The following CDK14 variants were observed in gnomAD, a reference collection of about 807,000 sequenced individuals.
CDK14 encodes cyclin-dependent kinase 14.
Under a neutral mutation model 60.7 loss-of-function variants are expected in CDK14, and 34 were observed. The ratio of observed to expected loss-of-function variants is 0.56; its 90% CI spans 0.43 to 0.75. CDK14 has a LOEUF of 0.75. Ranked by LOEUF, CDK14 falls within the 30% of genes least tolerant of loss-of-function variation. CDK14 has a pLI of 0.00. For missense variants in CDK14, 482 were observed against 564.1 expected (o/e 0.85, Z 1.47); for synonymous variants, 197 against 203.7 (o/e 0.97, Z 0.28).
chr7:91,169,312 A>C (rs1265342655), intron 14 of CDK14, among the ~76,000 whole-genome samples: 1 of 152,220 alleles, frequency 6.6e-6, no homozygotes, highest in Non-Finnish European at 1.5e-5. Context: ...CCCATGATTT[A>C]ACAGAGCAGC....
intron 14 of CDK14, among the ~76,000 whole-genome samples, chr7:91,137,247 G>T (rs1027012790): frequency 6.6e-6 from 1 of 152,160 alleles, no homozygotes; most frequent in Admixed American, 6.5e-5. Flanking sequence ...ATTTTCCCCT[G>T]TGAGAAGCAT....
chr7:91,086,635 A>G (rs1798648862), intron 12 of CDK14, among the ~76,000 whole-genome samples: 1 of 152,056 alleles, frequency 6.6e-6, no homozygotes, highest in Non-Finnish European at 1.5e-5. Context: ...GAGCTGATCC[A>G]GGTCTTCCTC....
intron 14 of CDK14, among the ~76,000 whole-genome samples, chr7:91,122,654 C>T (rs1435262926): frequency 6.6e-6 from 1 of 152,200 alleles, no homozygotes; most frequent in African/African-American, 2.4e-5. Context: ...ATGTTCCCTT[C>T]ACTTCAGGGC....
In CDK14 at chr7:91,014,427, T is replaced by C. The variant is rs1403608330; in HGVS notation, c.1041+30186T>C. Among the ~76,000 whole-genome samples, 4 of 152,324 alleles carry C rather than the reference T, an allele frequency of 2.6e-5. No individual in the cohort carries two copies. In the East Asian group the frequency reaches 7.7e-4, roughly 29 times the overall value. On this transcript the variant is annotated intron_variant, in intron 10 of 14. Coordinates refer to ENST00000380050, the MANE Select transcript of CDK14 (RefSeq NM_001287135.2). Reference sequence around the variant, plus strand: ...ACTTTGTGAACTTTTCGTTCCTTTCTTGGAGTCAAACATGAGATCATGTTT... The same window carrying C: ...ACTTTGTGAACTTTTCGTTCCTTTCCTGGAGTCAAACATGAGATCATGTTT...
At chr7:90,664,199 C>T (rs1800924594) in intron 2 of CDK14, among the ~76,000 whole-genome samples, 1 of 152,236 alleles carries the variant, frequency 6.6e-6, no homozygotes, top group South Asian at 2.1e-4. Flanking sequence ...TGCTCATCAT[C>T]ACTGACCATC....
intron 12 of CDK14, among the ~76,000 whole-genome samples, chr7:91,093,869 T>C (rs1037656885): frequency 6.6e-6 from 1 of 152,156 alleles, no homozygotes; most frequent in Admixed American, 6.6e-5. Context: ...TCACATCCTT[T>C]GCAGCAACAT....
At chr7:90,950,187 G>A (rs936353018) in intron 8 of CDK14, among the ~76,000 whole-genome samples, 2 of 151,978 alleles carry the variant, frequency 1.3e-5, no homozygotes, top group African/African-American at 2.4e-5. Flanking sequence ...AGTGATTCTC[G>A]TGCCTCAGCC....
At chr7:90,849,282 T>C (rs1367736280) in intron 5 of CDK14, among the ~76,000 whole-genome samples, 1 of 150,594 alleles carries the variant, frequency 6.6e-6, no homozygotes, top group Non-Finnish European at 1.5e-5. Context: ...GCTCTTCACC[T>C]CCTGCCATGA....
chr7:91,015,521 G>GTTTTTTTTTTTTTTTTTTTTTTTTT (rs10710645), intron 10 of CDK14, among the ~76,000 whole-genome samples: 1 of 77,664 alleles, frequency 1.3e-5, no homozygotes, highest in Non-Finnish European at 2.3e-5. Flanking sequence ...TATGTCTTGG[G>GTTTTTTTTTTTTTTTTTTTTTTTTT]TTTTTTTTTT....
chr7:90,777,803 T>C (rs1805113355), intron 4 of CDK14, among the ~76,000 whole-genome samples: 1 of 152,022 alleles, frequency 6.6e-6, no homozygotes, highest in African/African-American at 2.4e-5. Context: ...TCCCAGGCAC[T>C]ATCCAAAGTA....
intron 11 of CDK14, among the ~76,000 whole-genome samples, 194 bp downstream of exon 11, chr7:91,046,154 C>T (rs914070481): frequency 2.0e-5 from 3 of 152,094 alleles, no homozygotes; most frequent in African/African-American, 4.8e-5. Flanking sequence ...AAAGACATCC[C>T]TGATGATTTT....
intron 6 of CDK14, among the ~76,000 whole-genome samples, chr7:90,897,526 A>AT (rs1002261221): frequency 1.3e-5 from 2 of 151,988 alleles, no homozygotes; most frequent in Non-Finnish European, 2.9e-5. Flanking sequence ...AGAATACCTT[A>AT]TTTTTATCTA....
chr7:90,956,754 TC>T (rs1794428879), intron 9 of CDK14, among the ~76,000 whole-genome samples: 1 of 129,582 alleles, frequency 7.7e-6, no homozygotes, highest in African/African-American at 2.8e-5. Context: ...CCCAATGCTG[TC>T]CCTCCCCCCT....
intron 5 of CDK14, among the ~76,000 whole-genome samples, chr7:90,804,481 T>C (rs1443297623): frequency 1.3e-5 from 2 of 152,168 alleles, no homozygotes; most frequent in Non-Finnish European, 2.9e-5. Context: ...AGCGTTTTTA[T>C]AATTGACAGG....
At chr7:90,787,873 C>T (rs952679916) in intron 4 of CDK14, among the ~76,000 whole-genome samples, 2 of 152,050 alleles carry the variant, frequency 1.3e-5, no homozygotes, top group African/African-American at 4.8e-5. Context: ...AAAATATTTT[C>T]AAAGACCTTT....
chr7:90,666,793 A>AT (rs916914863), intron 2 of CDK14, among the ~76,000 whole-genome samples: 1 of 152,166 alleles, frequency 6.6e-6, no homozygotes, highest in African/African-American at 2.4e-5. Context: ...TATTTACTTC[A>AT]TTTTCAGTGG....
chr7:90,949,852 A>G (rs1343039930), intron 8 of CDK14, among the ~76,000 whole-genome samples: 1 of 152,206 alleles, frequency 6.6e-6, no homozygotes, highest in Non-Finnish European at 1.5e-5. Context: ...AAACAACACC[A>G]TAGGATGGCA....
intron 11 of CDK14, among the ~76,000 whole-genome samples, chr7:91,059,226 T>C (rs1306240469): frequency 4.6e-5 from 7 of 152,250 alleles, no homozygotes; most frequent in African/African-American, 1.7e-4. Context: ...TGGTAGTTTG[T>C]ATTTCTGTGG....
rs1165005786 is a variant in CDK14 at position 90,639,037 on chromosome 7, T to A, written c.123+34788T>A. Among the ~76,000 whole-genome samples, 3 of 152,156 alleles carry A rather than the reference T, an allele frequency of 2.0e-5. No individual in the cohort carries two copies. The East Asian group carries it at 5.8e-4, about 29-fold the overall frequency. On this transcript the variant is annotated intron_variant, in intron 2 of 14. Coordinates refer to ENST00000380050, the MANE Select transcript of CDK14 (RefSeq NM_001287135.2). ...TATTCTAGTTATACATTCATCTAAATTTTTTTCAAAGTTTTCAACTTCTTT... is the reference window on the plus strand; with the variant it reads ...TATTCTAGTTATACATTCATCTAAAATTTTTTCAAAGTTTTCAACTTCTTT...
Sources: gnomAD v4.1 joint callset for allele counts (sites outside exome capture counted in the v4.1 genomes callset) on GRCh38, gnomAD v4.1.1 for gene constraint, MANE v1.5 for transcripts, NCBI Gene and HGNC (gene_info 2026-07-23, HGNC 2026-07-21) for gene names.